MAGI2: variants seen among roughly 807,000 people sequenced by gnomAD.
MAGI2 encodes the protein membrane-associated guanylate kinase, WW and PDZ domain-containing protein 2.
Under a neutral mutation model 133.3 loss-of-function variants are expected in MAGI2, and 35 were observed. The observed-to-expected ratio is 0.26, with a 90% CI of 0.20 to 0.35. The LOEUF (loss-of-function observed/expected upper bound fraction) is 0.35. Among genes scored for constraint, MAGI2 ranks in the 10% least tolerant of loss-of-function variants. MAGI2 has a pLI of 1.00. For missense variants in MAGI2, 1,636 were observed against 1,863.4 expected (o/e 0.88, Z 2.25); for synonymous variants, 729 against 710.6 (o/e 1.03, Z -0.41).
chr7:78,621,913 T>C (rs1807785257), intron 3 of MAGI2, among the ~76,000 whole-genome samples: 1 of 152,036 alleles, frequency 6.6e-6, no homozygotes, highest in African/African-American at 2.4e-5. Flanking sequence ...TAGACTTTCC[T>C]CATGACTATT....
At chr7:78,966,129 T>C (rs1039293996) in intron 2 of MAGI2, among the ~76,000 whole-genome samples, 10 of 152,106 alleles carry the variant, frequency 6.6e-5, no homozygotes, top group Non-Finnish European at 1.3e-4. Flanking sequence ...TTAGGAGAGA[T>C]AGAAATAACT....
intron 21 of MAGI2, among the ~76,000 whole-genome samples, chr7:78,040,717 C>A (rs1401866178): frequency 6.6e-6 from 1 of 152,180 alleles, no homozygotes; most frequent in African/African-American, 2.4e-5. Flanking sequence ...CGTTACACCT[C>A]CCACGGAGAC....
chr7:78,201,371 G>T (rs1283714434), intron 10 of MAGI2, among the ~76,000 whole-genome samples, 178 bp from the exon 11 acceptor site: 1 of 152,094 alleles, frequency 6.6e-6, no homozygotes, highest in African/African-American at 2.4e-5. Context: ...AATTTCATTG[G>T]AATTGTATTA....
At position 79,215,554 on chromosome 7, in the gene MAGI2, AG is replaced by A. The variant is rs558388390; in HGVS notation, c.302-208349del. On this transcript the variant is annotated intron_variant, in intron 1 of 21. Coordinates refer to ENST00000354212, the MANE Select transcript of MAGI2 (RefSeq NM_012301.4). The stretch of plus-strand genomic sequence containing the variant: ...CCAGACATTACTTTCTATTGATTCC[AG>A]GTCTTTAGATAATAATTGAACTCTT... Among the ~76,000 whole-genome samples, 34 of 152,126 alleles carry A rather than the reference AG, an allele frequency of 2.2e-4. No homozygotes were observed. In the East Asian group the frequency reaches 6.2e-3, roughly 28 times the overall value.
At chr7:78,287,494 G>A (rs972965997) in intron 9 of MAGI2, among the ~76,000 whole-genome samples, 3 of 152,192 alleles carry the variant, frequency 2.0e-5, no homozygotes, top group Admixed American at 2.0e-4. Flanking sequence ...GACAATCTCT[G>A]TGACACGAGG....
intron 6 of MAGI2, among the ~76,000 whole-genome samples, chr7:78,426,601 T>TATA (rs958004227): frequency 6.6e-6 from 1 of 150,496 alleles, no homozygotes; most frequent in African/African-American, 2.5e-5. Context: ...AAACTTAAAG[T>TATA]ATAATAATAA....
intron 1 of MAGI2, among the ~76,000 whole-genome samples, chr7:79,262,040 C>A (rs1834127427): frequency 6.6e-6 from 1 of 152,132 alleles, no homozygotes; most frequent in Non-Finnish European, 1.5e-5. Flanking sequence ...CTAACAAATT[C>A]TCTCCTAGTA....
intron 1 of MAGI2, among the ~76,000 whole-genome samples, chr7:79,145,677 C>A (rs1174554229): frequency 6.6e-6 from 1 of 152,176 alleles, no homozygotes; most frequent in Non-Finnish European, 1.5e-5. Flanking sequence ...TACAGAGCAT[C>A]TGGCTTCTGA....
At chr7:78,224,534 C>T (rs905304482) in intron 10 of MAGI2, among the ~76,000 whole-genome samples, 2 of 151,948 alleles carry the variant, frequency 1.3e-5, no homozygotes, top group East Asian at 1.9e-4. Flanking sequence ...GGCATGGTGG[C>T]GTGTGCCTGT....
chr7:78,948,075 A>G (rs1226761961), intron 2 of MAGI2, among the ~76,000 whole-genome samples: 1 of 152,070 alleles, frequency 6.6e-6, no homozygotes, highest in Non-Finnish European at 1.5e-5. Context: ...CACTGATAGG[A>G]AAAGTGAGAC....
intron 5 of MAGI2, among the ~76,000 whole-genome samples, chr7:78,494,901 C>T (rs575872151): frequency 9.9e-5 from 15 of 152,196 alleles, no homozygotes; most frequent in Admixed American, 4.6e-4. Flanking sequence ...TCCCCGCCCC[C>T]GGGAAATACT....
At chr7:78,655,381 C>A (rs552803251) in intron 2 of MAGI2, among the ~76,000 whole-genome samples, 2 of 135,142 alleles carry the variant, frequency 1.5e-5, no homozygotes, top group South Asian at 4.9e-4. Context: ...TCCTACCATG[C>A]AATCTCAGCC....
intron 1 of MAGI2, among the ~76,000 whole-genome samples, chr7:79,436,100 C>A (rs1399965916): frequency 6.6e-6 from 1 of 151,548 alleles, no homozygotes; most frequent in Non-Finnish European, 1.5e-5. Flanking sequence ...TATATATTAT[C>A]ATATACAAAT....
At chr7:78,047,371 G>A (rs1365117990) in intron 21 of MAGI2, among the ~76,000 whole-genome samples, 2 of 152,170 alleles carry the variant, frequency 1.3e-5, no homozygotes. Context: ...GCCTGTAATT[G>A]CACCAGCCTA....
chr7:79,124,339 T>C (rs1194646051), intron 1 of MAGI2, among the ~76,000 whole-genome samples: 1 of 152,208 alleles, frequency 6.6e-6, no homozygotes, highest in Non-Finnish European at 1.5e-5. Flanking sequence ...TGCTTTAACA[T>C]ACAACATTAA....
chr7:79,189,867 T>C (rs1226773588), intron 1 of MAGI2, among the ~76,000 whole-genome samples: 1 of 151,846 alleles, frequency 6.6e-6, no homozygotes, highest in East Asian at 1.9e-4. Context: ...ATAGTTGGAA[T>C]CATAAAGTAT....
intron 1 of MAGI2, among the ~76,000 whole-genome samples, chr7:79,247,649 C>A (rs1832919233): frequency 6.6e-6 from 1 of 152,012 alleles, no homozygotes; most frequent in African/African-American, 2.4e-5. Flanking sequence ...ATAACTATAA[C>A]AACTTTTAAA....
chr7:78,555,176 ATGAT>A (rs1799690927), intron 3 of MAGI2, among the ~76,000 whole-genome samples: 1 of 130,918 alleles, frequency 7.6e-6, no homozygotes, highest in South Asian at 2.5e-4. Context: ...AAATAAATGA[ATGAT>A]AGAGGACGGT....
intron 1 of MAGI2, among the ~76,000 whole-genome samples, chr7:79,360,543 A>G (rs1017747319): frequency 3.9e-5 from 6 of 152,134 alleles, no homozygotes; most frequent in Non-Finnish European, 8.8e-5. Context: ...TTATAACACT[A>G]TATGACTCTG....
Sources: allele counts gnomAD v4.1 joint callset (sites outside exome capture counted in the v4.1 genomes callset), GRCh38; gene constraint gnomAD v4.1.1; transcripts MANE v1.5; gene names NCBI Gene and HGNC (gene_info 2026-07-23, HGNC 2026-07-21).